The following PSD3 variants were observed in gnomAD, a reference collection of about 807,000 sequenced individuals.
PSD3 encodes the protein pleckstrin and Sec7 domain containing 3, also known as PH and SEC7 domain-containing protein 3.
Under a neutral mutation model 105.5 loss-of-function variants are expected in PSD3, and 49 were observed. The observed-to-expected ratio is 0.46, with a 90% CI of 0.37 to 0.59. The LOEUF (loss-of-function observed/expected upper bound fraction) is 0.59. Among genes scored for constraint, PSD3 ranks in the 20% least tolerant of loss-of-function variants. PSD3 has a pLI of 0.00. For missense variants in PSD3, 1,561 were observed against 1,263.8 expected (o/e 1.24, Z -3.57); for synonymous variants, 557 against 457.8 (o/e 1.22, Z -2.77).
At chr8:18,725,033 G>A (rs565148216) in intron 9 of PSD3, among the ~76,000 whole-genome samples, 1 of 152,156 alleles carries the variant, frequency 6.6e-6, no homozygotes, top group East Asian at 1.9e-4. Flanking sequence ...GGGAATCATT[G>A]AGCAAATCTA....
chr8:18,856,891 A>C (rs1816054070), intron 4 of PSD3, among the ~76,000 whole-genome samples: 1 of 152,242 alleles, frequency 6.6e-6, no homozygotes, highest in Admixed American at 6.5e-5. Context: ...AGTACTCATT[A>C]AGTGCCAGTA....
At chr8:18,934,424 T>G (rs890997335) in intron 2 of PSD3, among the ~76,000 whole-genome samples, 2 of 152,228 alleles carry the variant, frequency 1.3e-5, no homozygotes, top group African/African-American at 4.8e-5. Flanking sequence ...AGATCCTTTT[T>G]TTTTGAGACG....
At chr8:18,637,914 T>C (rs553372364) in intron 10 of PSD3, among the ~76,000 whole-genome samples, 10 of 152,074 alleles carry the variant, frequency 6.6e-5, no homozygotes, top group Non-Finnish European at 1.2e-4. Context: ...TCCCAGCACA[T>C]TGGGAGGCCG....
At position 18,570,797 on chromosome 8, in the gene PSD3, T is replaced by C. The variant is rs541464792; in HGVS notation, c.2784+1731A>G. Among the ~76,000 whole-genome samples, 3 of 151,920 alleles carry C rather than the reference T, an allele frequency of 2.0e-5. No individual in the cohort carries two copies. In the East Asian group the frequency reaches 5.8e-4, roughly 29 times the overall value. On this transcript the variant is annotated intron_variant, in intron 14 of 15. Coordinates refer to ENST00000327040, the MANE Select transcript of PSD3 (RefSeq NM_015310.4). Reference sequence around the variant, plus strand: ...ACAATTTCTCATATTGTAATGAGAATAATTTTTAAAGCAAAAATGTGATCA... The same window carrying C: ...ACAATTTCTCATATTGTAATGAGAACAATTTTTAAAGCAAAAATGTGATCA...
At chr8:18,901,538 T>C (rs1424464355) in intron 2 of PSD3, among the ~76,000 whole-genome samples, 1 of 152,168 alleles carries the variant, frequency 6.6e-6, no homozygotes, top group East Asian at 1.9e-4. Flanking sequence ...CTTCCTCTTT[T>C]TCTATCATTG....
chr8:18,546,310 A>G (rs1335704857), intron 15 of PSD3, among the ~76,000 whole-genome samples: 1 of 152,132 alleles, frequency 6.6e-6, no homozygotes, highest in African/African-American at 2.4e-5. Context: ...AAGTAATTTT[A>G]AACTTTCTGA....
intron 1 of PSD3, chr8:18,999,932 A>G (rs904661265): frequency 1.3e-5 from 2 of 151,402 alleles, no homozygotes; most frequent in African/African-American, 4.9e-5. Context: ...AGGCCTGTCA[A>G]GTTCTTTTAA....
intron 1 of PSD3, among the ~76,000 whole-genome samples, chr8:19,043,714 A>C (rs1828212779): frequency 6.6e-6 from 1 of 152,142 alleles, no homozygotes; most frequent in African/African-American, 2.4e-5. Flanking sequence ...GGCTTTTGAG[A>C]GTAGGCTCCT....
intron 9 of PSD3, among the ~76,000 whole-genome samples, chr8:18,720,065 C>T (rs1484476297): frequency 1.3e-5 from 2 of 152,094 alleles, no homozygotes; most frequent in Non-Finnish European, 2.9e-5. Context: ...GTTATGACTG[C>T]CCCATTCTGA....
At chr8:18,630,752 G>A (rs537821217) in intron 11 of PSD3, among the ~76,000 whole-genome samples, 2 of 151,798 alleles carry the variant, frequency 1.3e-5, no homozygotes, top group Admixed American at 6.6e-5. Flanking sequence ...TTCAACCAAC[G>A]GTGGATGGAA....
chr8:19,049,740 T>A (rs1248636085), intron 1 of PSD3, among the ~76,000 whole-genome samples: 2 of 151,346 alleles, frequency 1.3e-5, no homozygotes, highest in African/African-American at 4.9e-5. Flanking sequence ...ATGTCTCTAT[T>A]TTCTCCTCTA....
Position 18,607,713 on chromosome 8 carries a change from G to A in PSD3, c.2411-7279C>T, listed in dbSNP as rs1480689277. The stretch of plus-strand genomic sequence containing the variant: ...AAAAAAAACAAAACAAAAAAAAAAA[G>A]GAAGTCAGGTGTATTAGTACATTCT... On this transcript the variant is annotated intron_variant, in intron 11 of 15. Transcript: ENST00000327040. Among the ~76,000 whole-genome samples the A allele has an allele frequency of 1.9e-3, 176 of 94,492 alleles. 2 individuals carry two copies. The highest frequency in any genetic ancestry group is 4.0e-3 in the East Asian group (9 of 2,258). The allele number at this position is 94,492 out of a possible 152,430, so 62.0% of individuals were successfully genotyped here.
chr8:18,617,773 T>C (rs1805802767), intron 11 of PSD3, among the ~76,000 whole-genome samples: 1 of 152,156 alleles, frequency 6.6e-6, no homozygotes, highest in Non-Finnish European at 1.5e-5. Context: ...ATCCCGACAC[T>C]GACAAAACAG....
intron 9 of PSD3, among the ~76,000 whole-genome samples, chr8:18,743,959 T>TCAC (rs111311023): frequency 0.031 from 4,348 of 138,782 alleles, 151 homozygotes; most frequent in African/African-American, 0.079. Context: ...ACTCTGTCTC[T>TCAC]CACCACCACC....
chr8:19,031,029 T>G (rs1827748821), intron 1 of PSD3, among the ~76,000 whole-genome samples: 1 of 152,152 alleles, frequency 6.6e-6, no homozygotes, highest in African/African-American at 2.4e-5. Context: ...TCTGATTGTA[T>G]CTATGTGGGG....
chr8:18,544,788 C>A (rs551449953), intron 15 of PSD3, among the ~76,000 whole-genome samples: 1 of 152,290 alleles, frequency 6.6e-6, no homozygotes, highest in Admixed American at 6.5e-5. Context: ...CACCTCGCCC[C>A]AGGAAGCTCT....
intron 4 of PSD3, among the ~76,000 whole-genome samples, chr8:18,830,643 A>T (rs1563322510): frequency 6.6e-6 from 1 of 152,200 alleles, no homozygotes; most frequent in African/African-American, 2.4e-5. Flanking sequence ...AAACTTTTTT[A>T]AAAAATGAGT....
At chr8:18,826,898 G>A (rs1813234067) in intron 4 of PSD3, among the ~76,000 whole-genome samples, 1 of 152,120 alleles carries the variant, frequency 6.6e-6, no homozygotes, top group East Asian at 1.9e-4. Context: ...ATACCAAAGT[G>A]ATATCAATGG....
chr8:18,549,317 G>A (rs532180558), intron 15 of PSD3, among the ~76,000 whole-genome samples: 6 of 152,048 alleles, frequency 3.9e-5, no homozygotes, highest in African/African-American at 1.4e-4. Flanking sequence ...AAGTAGCTGG[G>A]ATTACAGGCA....
Sources: gnomAD v4.1 joint callset for allele counts (sites outside exome capture counted in the v4.1 genomes callset) on GRCh38, gnomAD v4.1.1 for gene constraint, MANE v1.5 for transcripts, NCBI Gene and HGNC (gene_info 2026-07-23, HGNC 2026-07-21) for gene names.